Variants in IGSF21 observed in about 807,000 individuals in gnomAD.
IGSF21 encodes the protein immunoglobulin superfamily member 21.
In IGSF21, 28 loss-of-function variants were observed where a neutral mutation model predicts 46.8. That is an observed-to-expected ratio of 0.60 (90% CI 0.44 to 0.82). IGSF21 has a LOEUF of 0.82. IGSF21 is among the 40% of genes least tolerant of loss of function. IGSF21 has a pLI of 0.00. For missense variants in IGSF21, 624 were observed against 665.5 expected, an observed-to-expected ratio of 0.94 and a Z score of 0.69; for synonymous variants, 284 against 273.6, an observed-to-expected ratio of 1.04 and a Z score of -0.38.
intron 2 of IGSF21, among the ~76,000 whole-genome samples, chr1:18,275,931 C>T (rs1365894342): frequency 6.6e-6 from 1 of 152,186 alleles, no homozygotes; most frequent in Admixed American, 6.5e-5. Flanking sequence ...CTACAGTCCC[C>T]ACCGGTCTCT....
At chr1:18,162,982 G>C (rs1013985053) in intron 1 of IGSF21, among the ~76,000 whole-genome samples, 2 of 152,292 alleles carry the variant, frequency 1.3e-5, no homozygotes, top group African/African-American at 4.8e-5. Flanking sequence ...CACATTGGGG[G>C]TGGTAGACGG....
chr1:18,310,885 C>T (rs191611478), intron 3 of IGSF21, among the ~76,000 whole-genome samples: 1 of 152,280 alleles, frequency 6.6e-6, no homozygotes, highest in African/African-American at 2.4e-5. Context: ...CAAACTCCAC[C>T]TCCATCATCA....
At chr1:18,239,755 C>T (rs190219453) in intron 2 of IGSF21, among the ~76,000 whole-genome samples, 3 of 152,206 alleles carry the variant, frequency 2.0e-5, no homozygotes, top group East Asian at 3.9e-4. Flanking sequence ...CAGTGTTGCC[C>T]CCCCTCCCCG....
intron 1 of IGSF21, among the ~76,000 whole-genome samples, chr1:18,127,862 T>A (rs1281413719): frequency 6.6e-6 from 1 of 152,150 alleles, no homozygotes; most frequent in Non-Finnish European, 1.5e-5. Context: ...TGAGCCATAA[T>A]TATGCCACTG....
chr1:18,119,333 TG>T (rs1390438861), intron 1 of IGSF21, among the ~76,000 whole-genome samples: 1 of 152,228 alleles, frequency 6.6e-6, no homozygotes, highest in Non-Finnish European at 1.5e-5. Context: ...GTGTGACTAC[TG>T]ACATTTAAAT....
Position 18,189,298 on chromosome 1 carries a change from T to C in IGSF21, c.71-38600T>C, listed in dbSNP as rs547997355. Among the ~76,000 whole-genome samples, 50 of 152,228 alleles carry C rather than the reference T, an allele frequency of 3.3e-4. 1 individual carries two copies. Among genetic ancestry groups the C allele is most frequent in the African/African-American group, 1.2e-3 (50 of 41,530 alleles). On this transcript the variant is annotated intron_variant, in intron 1 of 9. Transcript: ENST00000251296. ...GAGTTTATTCAGAGAGATGGCTTAGTGTCATCACCTCCCAGCTCACTTAGT... is the reference window on the plus strand; with the variant it reads ...GAGTTTATTCAGAGAGATGGCTTAGCGTCATCACCTCCCAGCTCACTTAGT...
chr1:18,369,241 C>G (rs2086201025), intron 6 of IGSF21, among the ~76,000 whole-genome samples: 1 of 152,212 alleles, frequency 6.6e-6, no homozygotes, highest in African/African-American at 2.4e-5. Context: ...CTTAACGTCT[C>G]TGAGTCTCAG....
chr1:18,351,290 C>G (rs1369480921), intron 4 of IGSF21, among the ~76,000 whole-genome samples: 1 of 150,652 alleles, frequency 6.6e-6, no homozygotes, highest in African/African-American at 2.4e-5. Context: ...GCCACCCGTG[C>G]CATCTTCATT....
At chr1:18,213,853 A>G (rs2084417115) in intron 1 of IGSF21, among the ~76,000 whole-genome samples, 1 of 152,110 alleles carries the variant, frequency 6.6e-6, no homozygotes, top group Admixed American at 6.5e-5. Flanking sequence ...TCTGCTGCCT[A>G]AGGAAGCTTT....
At chr1:18,174,778 C>T (rs181797400) in intron 1 of IGSF21, among the ~76,000 whole-genome samples, 135 of 152,290 alleles carry the variant, frequency 8.9e-4, no homozygotes, top group African/African-American at 3.1e-3. Context: ...GGGTAGCTGC[C>T]GACGACACAC....
At chr1:18,244,863 G>C (rs916215724) in intron 2 of IGSF21, among the ~76,000 whole-genome samples, 5 of 152,002 alleles carry the variant, frequency 3.3e-5, no homozygotes, top group African/African-American at 4.8e-5. Context: ...GCATTTTTAA[G>C]GTAGAAAAAT....
At chr1:18,136,238 G>C (rs559515847) in intron 1 of IGSF21, among the ~76,000 whole-genome samples, 2 of 152,198 alleles carry the variant, frequency 1.3e-5, no homozygotes, top group African/African-American at 4.8e-5. Flanking sequence ...GGTTTCTTTT[G>C]CTGTGCAGAA....
Position 18,378,296 on chromosome 1 carries a change from C to G in IGSF21, c.1374C>G (p.Leu458=). Residue 458 remains leucine, a synonymous_variant, in exon 10 of 10, where the codon CTC becomes CTG. Transcript: ENST00000251296. The stretch of plus-strand genomic sequence containing the variant: ...CTGGTGCCCGGCTCACCTTGGTGCT[C>G]GCCCTGACAGTGATTCTGGAGCTGA... ...GPTGARLTLV[L]ALTVILELT 6.2e-7 allele frequency: 1 copy of G among 1,613,984 alleles called. No homozygotes were observed. The highest frequency in any genetic ancestry group is 8.5e-7 in the Non-Finnish European group (1 of 1,179,950).
intron 1 of IGSF21, among the ~76,000 whole-genome samples, chr1:18,153,018 A>G (rs1036614933): frequency 1.3e-5 from 2 of 152,176 alleles, no homozygotes; most frequent in African/African-American, 4.8e-5. Flanking sequence ...ACGAGGGTTG[A>G]TGTTGATTGC....
chr1:18,251,588 A>G (rs2084842562), intron 2 of IGSF21, among the ~76,000 whole-genome samples: 1 of 152,188 alleles, frequency 6.6e-6, no homozygotes, highest in African/African-American at 2.4e-5. Context: ...GAGGTGGCTT[A>G]AGTCATTTCC....
At chr1:18,361,914 G>T in intron 4 of IGSF21, 1 of 573,760 alleles carries the variant, frequency 1.7e-6, no homozygotes, top group Non-Finnish European at 3.1e-6. Context: ...GCTCCAGGAG[G>T]GGAGGGCTCT....
Position 18,227,916 on chromosome 1 carries a change from T to C in IGSF21, c.89T>C (p.Ile30Thr). The C allele has an allele frequency of 6.2e-7, 1 of 1,613,898 alleles. No individual in the cohort carries two copies. ...TCTGTAGGCTACCTGACAGTCAACA[T>C]TGAGCCTCTCCCCCCTGTGGTGGCT... ...DLARGYLTVN[I>T]EPLPPVVAGD... is the part of the protein sequence containing the mutation. Residue 30 changes from isoleucine (I) to threonine (T), a missense_variant, in exon 2 of 10, where the codon ATT becomes ACT. Physicochemically the swap from Ile to Thr is moderately conservative, Grantham distance 89. Coordinates refer to ENST00000251296, the MANE Select transcript of IGSF21 (RefSeq NM_032880.5).
At chr1:18,141,208 G>A (rs966407646) in intron 1 of IGSF21, among the ~76,000 whole-genome samples, 8 of 152,240 alleles carry the variant, frequency 5.3e-5, no homozygotes, top group Non-Finnish European at 8.8e-5. Flanking sequence ...GTCTCATCTA[G>A]TCGGGAGGAA....
rs1165977182 is a variant in IGSF21, at chr1:18,182,211, C to CTGT, written c.71-45684_71-45682dup. 1.1e-4 allele frequency among the ~76,000 whole-genome samples: 14 copies of CTGT among 123,736 alleles called. No homozygotes were observed. The Admixed American group carries it at 1.3e-3, about 11-fold the overall frequency. The allele number at this position is 123,736 out of a possible 152,430, so 81.2% of individuals were successfully genotyped here. A position where few individuals can be genotyped will look rare whatever the true frequency, so the allele number is the denominator to read the frequency against. On this transcript the variant is annotated intron_variant, in intron 1 of 9. Transcript: ENST00000251296. The stretch of plus-strand genomic sequence containing the variant: ...TTTTTTTTTTAGACAAGGTCTCACT[C>CTGT]TGTTGCACAGGCTGGAGTGCAGTGG...
Sources: allele counts gnomAD v4.1 joint callset (sites outside exome capture counted in the v4.1 genomes callset), GRCh38; gene constraint gnomAD v4.1.1; transcripts MANE v1.5; gene names NCBI Gene and HGNC (gene_info 2026-07-23, HGNC 2026-07-21).